RBPMS: variants seen among roughly 807,000 people sequenced by gnomAD.
RBPMS encodes the protein RNA-binding protein with multiple splicing.
In RBPMS, 7 loss-of-function variants were observed where a neutral mutation model predicts 26.8. The observed-to-expected ratio is 0.26, with a 90% confidence interval of 0.15 to 0.49. The LOEUF (loss-of-function observed/expected upper bound fraction) is 0.49. Among genes scored for constraint, RBPMS ranks in the 20% least tolerant of loss-of-function variants. RBPMS has a pLI of 0.98. For synonymous variants in RBPMS, 96 were observed against 93.3 expected, an observed-to-expected ratio of 1.03 and a Z score of -0.17; for missense variants, 186 against 250.0, an observed-to-expected ratio of 0.74 and a Z score of 1.73.
chr8:30,484,665 G>A (rs1210384560), intron 4 of RBPMS, among the ~76,000 whole-genome samples: 1 of 152,080 alleles, frequency 6.6e-6, no homozygotes, highest in Non-Finnish European at 1.5e-5. Context: ...TGATTCAATA[G>A]TATTTGCAGT....
intron 1 of RBPMS, among the ~76,000 whole-genome samples, chr8:30,428,706 A>G (rs190108279): frequency 2.6e-5 from 4 of 152,218 alleles, no homozygotes; most frequent in African/African-American, 9.6e-5. Context: ...TCATTTCCTT[A>G]TATTATAAAG....
At chr8:30,556,462 C>G in intron 6 of RBPMS, 1 of 985,886 alleles carries the variant, frequency 1.0e-6, no homozygotes, top group Non-Finnish European at 1.2e-6. Context: ...GCACCGAAAG[C>G]AGAACCATGC....
At chr8:30,506,404 T>A (rs1430427035) in intron 5 of RBPMS, among the ~76,000 whole-genome samples, 2 of 150,894 alleles carry the variant, frequency 1.3e-5, no homozygotes, top group Non-Finnish European at 2.9e-5. Context: ...AAAGTCAGCA[T>A]GATTTATCTT....
intron 4 of RBPMS, among the ~76,000 whole-genome samples, chr8:30,485,409 A>G (rs2150866688): frequency 6.6e-6 from 1 of 152,322 alleles, no homozygotes; most frequent in East Asian, 1.9e-4. Context: ...AAGTGGGTTA[A>G]AGAGGCCCAA....
chr8:30,523,320 T>G (rs1823248200), intron 5 of RBPMS, among the ~76,000 whole-genome samples: 1 of 150,036 alleles, frequency 6.7e-6, no homozygotes, highest in African/African-American at 2.5e-5. Context: ...GAGGTTGCAG[T>G]GAGCTGAGAT....
intron 1 of RBPMS, among the ~76,000 whole-genome samples, chr8:30,389,871 TAG>T (rs1295121125): frequency 6.6e-6 from 1 of 152,176 alleles, no homozygotes; most frequent in Admixed American, 6.5e-5. Context: ...TTCTGGAGGT[TAG>T]AAACCTGAAG....
chr8:30,536,373 C>T (rs986099865), intron 5 of RBPMS, among the ~76,000 whole-genome samples: 1 of 152,148 alleles, frequency 6.6e-6, no homozygotes, highest in African/African-American at 2.4e-5. Context: ...GTGATCCGCC[C>T]GCCTCGGCCT....
At chr8:30,391,097 C>T (rs1807741247) in intron 1 of RBPMS, among the ~76,000 whole-genome samples, 2 of 149,454 alleles carry the variant, frequency 1.3e-5, no homozygotes, top group Non-Finnish European at 1.5e-5. Flanking sequence ...CATCAAATAG[C>T]CACTGCTGGA....
intron 4 of RBPMS, among the ~76,000 whole-genome samples, chr8:30,482,890 G>C (rs766777079): frequency 2.0e-5 from 3 of 152,126 alleles, no homozygotes; most frequent in Non-Finnish European, 2.9e-5. Context: ...TTTAGGACTT[G>C]TTTATAATTT....
chr8:30,455,429 A>C (rs1398154515), intron 1 of RBPMS, among the ~76,000 whole-genome samples: 1 of 84,546 alleles, frequency 1.2e-5, no homozygotes, highest in African/African-American at 3.4e-5. Flanking sequence ...AAGCCTGTGA[A>C]ACAATTAAAA....
chr8:30,463,304 G>A (rs1282709318), intron 1 of RBPMS, among the ~76,000 whole-genome samples: 2 of 152,204 alleles, frequency 1.3e-5, no homozygotes, highest in Non-Finnish European at 2.9e-5. Context: ...TGGCTAGGTG[G>A]ATCTAGCTCA....
chr8:30,446,818 TGTGTGTGTGTGTGTGTGTGTGTGTGCGC>T (rs1813853448), intron 1 of RBPMS: 1 of 95,420 alleles, frequency 1.0e-5, no homozygotes, highest in African/African-American at 5.4e-5. Flanking sequence ...TGTGTGTGTG[TGTGTGTGTGTGTGTGTGTGTGTGTGCGC>T]GCGCGCGCGC....
chr8:30,533,228 C>T (rs191911073), intron 5 of RBPMS, among the ~76,000 whole-genome samples: 33 of 152,210 alleles, frequency 2.2e-4, no homozygotes, highest in African/African-American at 4.6e-4. Flanking sequence ...TTATTCACTG[C>T]GATCATGGAG....
chr8:30,556,555 G>A lies in RBPMS; in HGVS notation c.529-2332G>A, dbSNP rs995797497. ...AACACCGTCACGTCTTGGCCTCGTC[G>A]GGGCTCAGCGCCCCAACCCACACCC... is the stretch of plus-strand genomic sequence containing the variant. On this transcript the variant is annotated intron_variant, in intron 6 of 8. Coordinates refer to ENST00000397323, the MANE Select transcript of RBPMS (RefSeq NM_001008710.3). 7 of 986,366 alleles carry A rather than the reference G, an allele frequency of 7.1e-6. No individual in the cohort carries two copies. The Admixed American group carries it at 1.8e-4, about 26-fold the overall frequency. 61.1% of individuals were successfully genotyped at this position (986,366 alleles called of 1,614,324 possible). A position where few individuals can be genotyped will look rare whatever the true frequency, so the allele number is the denominator to read the frequency against.
intron 1 of RBPMS, among the ~76,000 whole-genome samples, chr8:30,414,238 G>A (rs1360232186): frequency 6.6e-6 from 1 of 151,898 alleles, no homozygotes; most frequent in Non-Finnish European, 1.5e-5. Context: ...CAGATAGCTT[G>A]TAAGTAAACA....
At chr8:30,428,945 A>C (rs1162982319) in intron 1 of RBPMS, among the ~76,000 whole-genome samples, 2 of 152,180 alleles carry the variant, frequency 1.3e-5, no homozygotes, top group Non-Finnish European at 2.9e-5. Context: ...AGTAACATGC[A>C]AAGCACATGG....
chr8:30,416,546 G>A (rs1162579635), intron 1 of RBPMS, among the ~76,000 whole-genome samples: 1 of 152,004 alleles, frequency 6.6e-6, no homozygotes, highest in African/African-American at 2.4e-5. Flanking sequence ...GCAGTGGTAC[G>A]ACCTTGGCCC....
At chr8:30,539,905 C>T (rs914036916) in intron 5 of RBPMS, among the ~76,000 whole-genome samples, 11 of 152,132 alleles carry the variant, frequency 7.2e-5, no homozygotes, top group African/African-American at 2.4e-4. Flanking sequence ...GGATTACAGG[C>T]GTAAACCACT....
At chr8:30,495,644 T>C (rs182710079) in intron 4 of RBPMS, among the ~76,000 whole-genome samples, 89 of 152,348 alleles carry the variant, frequency 5.8e-4, no homozygotes, top group African/African-American at 2.0e-3. Flanking sequence ...ATAATTGGTG[T>C]GATACAGTTT....
Sources: allele counts gnomAD v4.1 joint callset (sites outside exome capture counted in the v4.1 genomes callset), GRCh38; gene constraint gnomAD v4.1.1; transcripts MANE v1.5; gene names NCBI Gene and HGNC (gene_info 2026-07-23, HGNC 2026-07-21).